The following COTL1 variants were observed in gnomAD, a reference collection of about 807,000 sequenced individuals.
The protein encoded by COTL1 is coactosin-like protein.
COTL1 carries 15 observed loss-of-function variants against 16.5 expected under a neutral mutation model. That is an observed-to-expected ratio of 0.91 (90% CI 0.61 to 1.40). COTL1 has a LOEUF of 1.40. COTL1 is among the 40% of genes most tolerant of loss of function. COTL1 has a pLI of 0.00. For synonymous variants in COTL1, 112 were observed against 85.3 expected, an observed-to-expected ratio of 1.31 and a Z score of -1.73; for missense variants, 220 against 201.5, an observed-to-expected ratio of 1.09 and a Z score of -0.56.
chr16:84,615,483 A>G (rs767562126), intron 2 of COTL1, among the ~76,000 whole-genome samples: 28 of 152,052 alleles, frequency 1.8e-4, no homozygotes, highest in Admixed American at 2.6e-4. Flanking sequence ...CTTGCTGGAG[A>G]GAACAGTAGC....
intron 2 of COTL1, among the ~76,000 whole-genome samples, chr16:84,614,217 C>A (rs1231557162): frequency 6.6e-6 from 1 of 152,236 alleles, no homozygotes; most frequent in Non-Finnish European, 1.5e-5. Flanking sequence ...CCCAGGCGAA[C>A]TGAGCTATGG....
chr16:84,565,729 C>T lies in COTL1; in HGVS notation c.*1116G>A, dbSNP rs1314080162. 1 of 152,604 alleles carries T rather than the reference C, an allele frequency of 6.6e-6. No individual in the cohort carries two copies. The highest frequency in any genetic ancestry group is 2.4e-5 in the African/African-American group (1 of 41,460). The allele number at this position is 152,604 out of a possible 1,614,324, so 9.5% of individuals were successfully genotyped here. On this transcript the variant is annotated 3_prime_UTR_variant, in exon 4 of 4. Transcript: ENST00000262428. The stretch of plus-strand genomic sequence containing the variant: ...AGGAAAAACAGAAAAAGAGCTATAT[C>T]AAATGTGCTCATGAAGAACCAAGCC...
Position 84,590,435 on chromosome 16 carries a change from C to G in COTL1, c.161-173G>C. 1.7e-6 allele frequency: 1 copy of G among 598,932 alleles called. No individual in the cohort carries two copies. Among genetic ancestry groups the G allele is most frequent in the Non-Finnish European group, 2.8e-6 (1 of 355,494 alleles). The allele number at this position is 598,932 out of a possible 1,614,324, so 37.1% of individuals were successfully genotyped here. A position where few individuals can be genotyped will look rare whatever the true frequency, so the allele number is the denominator to read the frequency against. ...CAGGAGGGAAGCACTCATCCGCTGC[C>G]CTTGTCACACTCCCCTGAATCCTGG... On this transcript the variant is annotated intron_variant, in intron 2 of 3. Coordinates refer to ENST00000262428, the MANE Select transcript of COTL1 (RefSeq NM_021149.5). The surrounding 1 kb of genome is among the most constrained non-coding windows in gnomAD (Gnocchi z 5.5).
At chr16:84,597,224 C>A (rs1213740616) in intron 2 of COTL1, among the ~76,000 whole-genome samples, 1 of 152,192 alleles carries the variant, frequency 6.6e-6, no homozygotes, top group East Asian at 1.9e-4. Context: ...CAGTGAAGGT[C>A]TGAGAGGTAA....
chr16:84,600,992 A>C (rs996005233), intron 2 of COTL1, among the ~76,000 whole-genome samples: 3 of 151,644 alleles, frequency 2.0e-5, no homozygotes, highest in Non-Finnish European at 4.4e-5. Flanking sequence ...GTTAGACCTG[A>C]CTCCACCCTC....
chr16:84,575,074 G>C (rs1904421798), intron 3 of COTL1, among the ~76,000 whole-genome samples: 1 of 152,012 alleles, frequency 6.6e-6, no homozygotes, highest in African/African-American at 2.4e-5. Context: ...TTTTGTTCTT[G>C]TCACCTAGGC....
chr16:84,613,832 C>T (rs570032364), intron 2 of COTL1, among the ~76,000 whole-genome samples: 2 of 152,024 alleles, frequency 1.3e-5, no homozygotes, highest in South Asian at 4.2e-4. Flanking sequence ...TGCCCCGCCC[C>T]CCACCCACTC....
intron 3 of COTL1, among the ~76,000 whole-genome samples, chr16:84,587,547 C>T (rs746492772): frequency 1.3e-5 from 2 of 152,122 alleles, no homozygotes; most frequent in African/African-American, 2.4e-5. Context: ...TGAACCAGGA[C>T]ACTCTGCTAC....
intron 2 of COTL1, chr16:84,594,359 G>C (rs905669706): frequency 6.6e-6 from 1 of 152,380 alleles, no homozygotes; most frequent in Non-Finnish European, 1.5e-5. Context: ...AAACGAGACT[G>C]GTGCAAGAGA....
intron 2 of COTL1, among the ~76,000 whole-genome samples, chr16:84,607,348 A>G (rs904009245): frequency 1.3e-5 from 2 of 152,144 alleles, no homozygotes; most frequent in South Asian, 4.1e-4. Flanking sequence ...CCAGCGCGGC[A>G]CAGGGGAAGA....
intron 2 of COTL1, chr16:84,596,262 C>T (rs1905002898): frequency 6.6e-6 from 1 of 152,258 alleles, no homozygotes; most frequent in Non-Finnish European, 1.5e-5. Flanking sequence ...CCTTAACCTT[C>T]TCTGCAATGT....
At chr16:84,610,910 G>A (rs984919185) in intron 2 of COTL1, among the ~76,000 whole-genome samples, 1 of 151,984 alleles carries the variant, frequency 6.6e-6, no homozygotes, top group African/African-American at 2.4e-5. Context: ...GCCTTTTCTG[G>A]TAACCACCCC....
chr16:84,581,372 G>T (rs1377883941), intron 3 of COTL1, among the ~76,000 whole-genome samples: 1 of 152,180 alleles, frequency 6.6e-6, no homozygotes, highest in Non-Finnish European at 1.5e-5. Context: ...ACAGTCTGTG[G>T]ATGGTCCGCA....
chr16:84,613,420 A>C (rs1223965737), intron 2 of COTL1, among the ~76,000 whole-genome samples: 1 of 152,220 alleles, frequency 6.6e-6, no homozygotes, highest in African/African-American at 2.4e-5. Context: ...CGCATGGTAG[A>C]AACCTCCAAA....
At chr16:84,601,269 T>C (rs1905101479) in intron 2 of COTL1, among the ~76,000 whole-genome samples, 2 of 152,160 alleles carry the variant, frequency 1.3e-5, no homozygotes, top group South Asian at 4.1e-4. Flanking sequence ...ATGCAATCCC[T>C]ACCTTCAAAA....
At chr16:84,579,102 C>T (rs2150682872) in intron 3 of COTL1, among the ~76,000 whole-genome samples, 1 of 152,340 alleles carries the variant, frequency 6.6e-6, no homozygotes, top group East Asian at 1.9e-4. Flanking sequence ...CAGGCATGCA[C>T]ACACACCACC....
chr16:84,611,245 A>T (rs1272781202), intron 2 of COTL1, among the ~76,000 whole-genome samples: 2 of 152,256 alleles, frequency 1.3e-5, no homozygotes, highest in African/African-American at 4.8e-5. Flanking sequence ...AACTGGACTC[A>T]TTCCCAGATG....
At chr16:84,598,648 TC>T (rs1331260410) in intron 2 of COTL1, among the ~76,000 whole-genome samples, 19 of 44,524 alleles carry the variant, frequency 4.3e-4, no homozygotes, top group Admixed American at 1.2e-3. Context: ...CCTCCCCTTC[TC>T]CCCCCCAACC....
chr16:84,578,890 C>T (rs988335556), intron 3 of COTL1, among the ~76,000 whole-genome samples: 3 of 151,702 alleles, frequency 2.0e-5, no homozygotes, highest in African/African-American at 7.3e-5. Flanking sequence ...TACACACAGA[C>T]GCATGCACAC....
Sources: gnomAD v4.1 joint callset for allele counts (sites outside exome capture counted in the v4.1 genomes callset) on GRCh38, gnomAD v4.1.1 for gene constraint, Gnocchi (gnomAD v3.1) non-coding constraint, MANE v1.5 for transcripts, NCBI Gene and HGNC (gene_info 2026-07-23, HGNC 2026-07-21) for gene names.